The following TANGO6 variants were observed in gnomAD, a reference collection of about 807,000 sequenced individuals.
TANGO6 encodes the protein transport and Golgi organization protein 6 homolog.
A neutral mutation model predicts 114.2 loss-of-function variants in TANGO6; 90 were observed. The observed-to-expected ratio is 0.79, with a 90% confidence interval of 0.66 to 0.94. TANGO6 has a LOEUF of 0.94. Ranked by LOEUF, TANGO6 falls within the 40% of genes least tolerant of loss-of-function variation. The pLI, the probability that TANGO6 is intolerant of heterozygous loss-of-function variation, is 0.00. For missense variants in TANGO6, 1,274 were observed against 1,315.3 expected, an observed-to-expected ratio of 0.97 and a Z score of 0.49; for synonymous variants, 477 against 509.8, an observed-to-expected ratio of 0.94 and a Z score of 0.87.
At chr16:68,889,514 CTT>C (rs2152175273) in intron 7 of TANGO6, among the ~76,000 whole-genome samples, 1 of 152,210 alleles carries the variant, frequency 6.6e-6, no homozygotes, top group African/African-American at 2.4e-5. Flanking sequence ...GGACAAAAAA[CTT>C]TATAGTGAAA....
intron 15 of TANGO6, among the ~76,000 whole-genome samples, chr16:69,018,265 A>T (rs251109): frequency 1.1e-4 from 16 of 146,818 alleles, no homozygotes; most frequent in South Asian, 2.2e-4. Context: ...TGCCTCAGCC[A>T]CCCGAGTAGC....
At chr16:69,016,604 A>G (rs1178381658) in intron 15 of TANGO6, among the ~76,000 whole-genome samples, 1 of 152,040 alleles carries the variant, frequency 6.6e-6, no homozygotes, top group Non-Finnish European at 1.5e-5. Context: ...TTAGCTTGGG[A>G]TGTCTGCACT....
In TANGO6 at chr16:69,082,098, C is replaced by T. The variant is rs1356145289; in HGVS notation, c.3109-1387C>T. ...TCCTGGGTTCAAGTGATTCTCCTGC[C>T]TCATCCTCCCAAGTAGCTGGGATTA... On this transcript the variant is annotated intron_variant, in intron 17 of 17. Transcript: ENST00000261778. 3.9e-5 allele frequency among the ~76,000 whole-genome samples: 6 copies of T among 152,176 alleles called. 1 individual carries two copies. The highest frequency in any genetic ancestry group is 3.9e-4 in the Admixed American group (6 of 15,274).
At chr16:68,913,534 G>A (rs913668736) in intron 11 of TANGO6, among the ~76,000 whole-genome samples, 9 of 149,018 alleles carry the variant, frequency 6.0e-5, no homozygotes, top group African/African-American at 1.7e-4. Context: ...TCAGCCTCCC[G>A]AGTAGCTAGG....
chr16:68,904,447 A>C (rs16958465), intron 9 of TANGO6, among the ~76,000 whole-genome samples: 4,581 of 152,308 alleles, frequency 0.03, 224 homozygotes, highest in African/African-American at 0.1. Flanking sequence ...TAATACAGGA[A>C]ATATCCTAAG....
At position 69,038,500 on chromosome 16, in the gene TANGO6, G is replaced by A. The variant is rs144789422; in HGVS notation, c.2995-1808G>A. On this transcript the variant is annotated intron_variant, in intron 16 of 17. Transcript: ENST00000261778. ...TACCTTCAGATTGTTGCTGCCATTG[G>A]TCACACTTTCAAAAATTTTTTTTTC... Among the ~76,000 whole-genome samples the A allele has an allele frequency of 5.1e-4, 78 of 151,462 alleles. No individual in the cohort carries two copies. In the East Asian group the frequency reaches 0.015, roughly 29 times the overall value.
At position 68,900,528 on chromosome 16, in the gene TANGO6, A is replaced by G; in HGVS notation, c.1472A>G (p.Gln491Arg). 1 of 1,613,734 alleles carries G rather than the reference A, an allele frequency of 6.2e-7. No individual in the cohort carries two copies. Among genetic ancestry groups the G allele is most frequent in the South Asian group, 1.1e-5 (1 of 91,060 alleles). The change falls in exon 8 of 18, where the codon CAG becomes CGG. Residue 491 changes from glutamine (Q) to arginine (R), a missense_variant. By Grantham distance (43) the Gln-to-Arg change is conservative. Coordinates refer to ENST00000261778, the MANE Select transcript of TANGO6 (RefSeq NM_024562.2). ...VLFLLYCFTK[Q>R]SVSHIRSLCQ... ...TTTCTTCTCTACTGTTTTACTAAGC[A>G]GAGTGTGTCTCACATAAGGTAAACA...
At chr16:68,855,000 A>G (rs1250517614) in intron 1 of TANGO6, among the ~76,000 whole-genome samples, 2 of 147,930 alleles carry the variant, frequency 1.4e-5, no homozygotes, top group African/African-American at 4.9e-5. Flanking sequence ...GACAATTGCC[A>G]TCTTTTTTCT....
intron 15 of TANGO6, among the ~76,000 whole-genome samples, chr16:68,984,660 T>C (rs902644035): frequency 3.3e-5 from 5 of 152,114 alleles, no homozygotes; most frequent in African/African-American, 9.7e-5. Flanking sequence ...TAGCTAGGAC[T>C]GTAGGCATGC....
intron 17 of TANGO6, among the ~76,000 whole-genome samples, chr16:69,046,433 C>A (rs1437216015): frequency 1.3e-5 from 2 of 151,912 alleles, no homozygotes; most frequent in Non-Finnish European, 2.9e-5. Flanking sequence ...ATTCTTCCAC[C>A]TTAGCCTCCC....
chr16:68,906,677 G>C lies in TANGO6; in HGVS notation c.1668-766G>C, dbSNP rs916610624. 6.6e-4 allele frequency among the ~76,000 whole-genome samples: 100 copies of C among 151,792 alleles called. 1 individual carries two copies. Among genetic ancestry groups the C allele is most frequent in the Non-Finnish European group, 4.4e-5 (3 of 67,952 alleles). On this transcript the variant is annotated intron_variant, in intron 9 of 17. Coordinates refer to ENST00000261778, the MANE Select transcript of TANGO6 (RefSeq NM_024562.2). The stretch of plus-strand genomic sequence containing the variant: ...TAATGTACTACAACCTCAAACTCCT[G>C]GGCTCAAGCAGTCTCCCTGCCTCAG...
chr16:68,843,847 AG>A, intron 1 of TANGO6, 136 bp downstream of exon 1: 1 of 794,868 alleles, frequency 1.3e-6, no homozygotes, highest in Non-Finnish European at 2.1e-6. Context: ...GGGGGCTTTG[AG>A]CATTGTCTAT....
chr16:69,046,272 A>G (rs1263403957), intron 17 of TANGO6, among the ~76,000 whole-genome samples: 1 of 152,026 alleles, frequency 6.6e-6, no homozygotes, highest in Non-Finnish European at 1.5e-5. Flanking sequence ...AAGAAAATCA[A>G]CTAAGACGAA....
At chr16:68,853,499 T>G (rs1003561958) in intron 1 of TANGO6, among the ~76,000 whole-genome samples, 12 of 152,190 alleles carry the variant, frequency 7.9e-5, no homozygotes, top group African/African-American at 2.9e-4. Flanking sequence ...GTAGATTAGT[T>G]TTGCCTATTC....
At chr16:69,011,138 A>T (rs1402806296) in intron 15 of TANGO6, among the ~76,000 whole-genome samples, 1 of 152,174 alleles carries the variant, frequency 6.6e-6, no homozygotes, top group Non-Finnish European at 1.5e-5. Context: ...TTTAGCTAGC[A>T]GTACCTTAAT....
chr16:68,979,254 G>A (rs1963799023), intron 15 of TANGO6, among the ~76,000 whole-genome samples: 1 of 151,794 alleles, frequency 6.6e-6, no homozygotes, highest in Admixed American at 6.6e-5. Flanking sequence ...TCTTGAGACG[G>A]AGTCTTGCTC....
At chr16:68,844,761 T>C (rs1364892697) in intron 1 of TANGO6, among the ~76,000 whole-genome samples, 7 of 152,120 alleles carry the variant, frequency 4.6e-5, no homozygotes, top group Non-Finnish European at 1.0e-4. Context: ...TCGGTACTAC[T>C]TGTATTCAAT....
chr16:69,015,824 A>G (rs1959286751), intron 15 of TANGO6, among the ~76,000 whole-genome samples: 1 of 152,156 alleles, frequency 6.6e-6, no homozygotes, highest in South Asian at 2.1e-4. Flanking sequence ...CAGTTAGGGC[A>G]GGAATTTACA....
At chr16:68,960,968 C>T (rs1055383802) in intron 14 of TANGO6, among the ~76,000 whole-genome samples, 1 of 152,122 alleles carries the variant, frequency 6.6e-6, no homozygotes, top group Non-Finnish European at 1.5e-5. Flanking sequence ...ATGGCTTTTC[C>T]GTTATCCCTA....
Sources: gnomAD v4.1 joint callset for allele counts (sites outside exome capture counted in the v4.1 genomes callset) on GRCh38, gnomAD v4.1.1 for gene constraint, MANE v1.5 for transcripts, NCBI Gene and HGNC (gene_info 2026-07-23, HGNC 2026-07-21) for gene names.